The following MTMR7 variants were observed in gnomAD, a reference collection of about 807,000 sequenced individuals.
The protein encoded by MTMR7 is myotubularin related protein 7, also known as phosphatidylinositol-3-phosphate phosphatase MTMR7.
MTMR7 carries 76 observed loss-of-function variants against 81.2 expected under a neutral mutation model. The observed-to-expected ratio is 0.94, with a 90% confidence interval of 0.78 to 1.13. The LOEUF (loss-of-function observed/expected upper bound fraction) is 1.13. Among genes scored for constraint, MTMR7 ranks in the 50% most tolerant of loss-of-function variants. The pLI is 0.00. For synonymous variants in MTMR7, 372 were observed against 289.8 expected (o/e 1.28, Z -2.88); for missense variants, 1,044 against 820.0 (o/e 1.27, Z -3.34).
chr8:17,402,501 G>C (rs1821456522), intron 1 of MTMR7, among the ~76,000 whole-genome samples: 1 of 152,222 alleles, frequency 6.6e-6, no homozygotes, highest in Admixed American at 6.5e-5. Flanking sequence ...AAATAAGCGA[G>C]AATATGTGAA....
intron 1 of MTMR7, among the ~76,000 whole-genome samples, chr8:17,390,195 G>C (rs56349243): frequency 0.049 from 7,502 of 152,114 alleles, 277 homozygotes; most frequent in Non-Finnish European, 0.076. Flanking sequence ...TCTGCAGGCT[G>C]TACAGGAAGC....
chr8:17,392,182 T>A (rs879542534), intron 1 of MTMR7, among the ~76,000 whole-genome samples: 1 of 152,066 alleles, frequency 6.6e-6, no homozygotes, highest in Non-Finnish European at 1.5e-5. Context: ...AAAATAAGCT[T>A]TAAATAAGGA....
At chr8:17,314,365 A>G (rs1247582362) in intron 7 of MTMR7, among the ~76,000 whole-genome samples, 3 of 152,162 alleles carry the variant, frequency 2.0e-5, no homozygotes, top group East Asian at 1.9e-4. Context: ...TCCATGGGCA[A>G]TGAGCTGTGT....
At chr8:17,348,892 T>C (rs1190703932) in intron 5 of MTMR7, 61 bp downstream of exon 5, 3 of 1,597,714 alleles carry the variant, frequency 1.9e-6, no homozygotes, top group Admixed American at 3.3e-5. Context: ...AGCTAGAAAA[T>C]GCCTGCTTAT....
chr8:17,323,524 A>G (rs1287715310), intron 7 of MTMR7, among the ~76,000 whole-genome samples: 1 of 152,120 alleles, frequency 6.6e-6, no homozygotes, highest in Non-Finnish European at 1.5e-5. Context: ...GAGAGGCTGG[A>G]AAGTCCGGCG....
intron 1 of MTMR7, among the ~76,000 whole-genome samples, chr8:17,378,865 T>C (rs537738369): frequency 6.6e-6 from 1 of 152,306 alleles, no homozygotes; most frequent in East Asian, 1.9e-4. Flanking sequence ...TGTCTTAGAT[T>C]TGTTGAAATG....
intron 1 of MTMR7, among the ~76,000 whole-genome samples, chr8:17,390,421 C>T (rs1821072504): frequency 1.3e-5 from 2 of 152,130 alleles, no homozygotes; most frequent in African/African-American, 4.8e-5. Flanking sequence ...AATCCACCCC[C>T]ATCATGCAAC....
intron 1 of MTMR7, among the ~76,000 whole-genome samples, chr8:17,390,732 G>T (rs987510638): frequency 1.3e-5 from 2 of 152,180 alleles, no homozygotes; most frequent in African/African-American, 4.8e-5. Flanking sequence ...CAAACACATC[G>T]TTCTTCACAA....
chr8:17,412,172 A>G (rs1821753551), intron 1 of MTMR7, among the ~76,000 whole-genome samples: 1 of 152,226 alleles, frequency 6.6e-6, no homozygotes, highest in Non-Finnish European at 1.5e-5. Flanking sequence ...TCTTCTTCCA[A>G]TGACATGAGA....
chr8:17,331,016 G>C (rs769508148), intron 7 of MTMR7, 134 bp downstream of exon 7: 28 of 1,061,544 alleles, frequency 2.6e-5, no homozygotes, highest in Non-Finnish European at 3.6e-5. Context: ...TGTTTAAAAA[G>C]CCACTGTAAC....
At position 17,310,940 on chromosome 8, in the gene MTMR7, G is replaced by T. The variant is rs147074062; in HGVS notation, c.1101+571C>A. The stretch of plus-strand genomic sequence containing the variant: ...ACAATACTCTGTAGTTGAAAGCAAC[G>T]TTACATTTGATGCCCACCTAAAAAG... On this transcript the variant is annotated intron_variant, in intron 9 of 13. Transcript: ENST00000180173. 6.4e-4 allele frequency among the ~76,000 whole-genome samples: 98 copies of T among 152,200 alleles called. No homozygotes were observed. In the East Asian group the frequency reaches 0.018, roughly 27 times the overall value.
intron 1 of MTMR7, among the ~76,000 whole-genome samples, chr8:17,403,123 G>C (rs575182726): frequency 3.7e-4 from 56 of 152,120 alleles, no homozygotes; most frequent in Admixed American, 3.7e-3. Context: ...AGAGTTGTTT[G>C]AGCCCCTTAT....
chr8:17,374,881 G>C (rs2150567860), intron 1 of MTMR7, among the ~76,000 whole-genome samples: 1 of 152,112 alleles, frequency 6.6e-6, no homozygotes, highest in Admixed American at 6.5e-5. Flanking sequence ...ATGAGGTCGG[G>C]AGTTCAAGAC....
At chr8:17,304,713 C>A (rs1817337564) in intron 11 of MTMR7, among the ~76,000 whole-genome samples, 194 bp from the exon 12 acceptor site, 1 of 137,568 alleles carries the variant, frequency 7.3e-6, no homozygotes, top group African/African-American at 3.0e-5. Context: ...AACTTCACCA[C>A]CATCTGTACT....
At chr8:17,377,436 T>C (rs1820623759) in intron 1 of MTMR7, among the ~76,000 whole-genome samples, 1 of 152,132 alleles carries the variant, frequency 6.6e-6, no homozygotes, top group Non-Finnish European at 1.5e-5. Flanking sequence ...GTTTTCTTTT[T>C]ACCTCTTTGT....
intron 1 of MTMR7, among the ~76,000 whole-genome samples, chr8:17,407,162 A>G (rs1486156574): frequency 6.6e-6 from 1 of 152,172 alleles, no homozygotes; most frequent in African/African-American, 2.4e-5. Context: ...CTATACACAC[A>G]CACTAAATCA....
Position 17,305,757 on chromosome 8 carries a change from T to C in MTMR7, c.1352A>G (p.Lys451Arg). The change falls in exon 11 of 14, where the codon AAG becomes AGG. Residue 451 changes from lysine to arginine, a missense_variant and splice_region_variant. Physicochemically the swap from Lys to Arg is conservative, Grantham distance 26 (BLOSUM62 2). Coordinates refer to ENST00000180173, the MANE Select transcript of MTMR7 (RefSeq NM_004686.5). The part of the protein sequence containing the change: ...CNSQKERREL[K>R]IQERTYSLWA... ...ACACCAAAAACACCAAAACACTTAC[T>C]TGAGTTCTCGTCTCTCCTTTTGGCT... The C allele has an allele frequency of 6.2e-7, 1 of 1,605,942 alleles. No individual in the cohort carries two copies. The highest frequency in any genetic ancestry group is 8.5e-7 in the Non-Finnish European group (1 of 1,173,410).
At chr8:17,303,646 G>C (rs376932096) in intron 12 of MTMR7, among the ~76,000 whole-genome samples, 1 of 141,356 alleles carries the variant, frequency 7.1e-6, no homozygotes, top group Non-Finnish European at 1.5e-5. Flanking sequence ...TTTTGCTCTT[G>C]TTGCCCAGGC....
chr8:17,409,411 C>G (rs1466210659), intron 1 of MTMR7, among the ~76,000 whole-genome samples: 1 of 132,966 alleles, frequency 7.5e-6, no homozygotes, highest in Non-Finnish European at 1.7e-5. Context: ...TTTCAGTGAG[C>G]CAAGATCACA....
Sources: gnomAD v4.1 joint callset for allele counts (sites outside exome capture counted in the v4.1 genomes callset) on GRCh38, gnomAD v4.1.1 for gene constraint, MANE v1.5 for transcripts, NCBI Gene and HGNC (gene_info 2026-07-23, HGNC 2026-07-21) for gene names.